Variants in EXD3 observed in about 807,000 individuals in gnomAD.
EXD3 encodes the protein exonuclease mut-7 homolog.
A neutral mutation model predicts 98.0 loss-of-function variants in EXD3; 92 were observed. The ratio of observed to expected loss-of-function variants is 0.94; its 90% CI spans 0.79 to 1.12. The LOEUF (loss-of-function observed/expected upper bound fraction) is 1.12, where lower values mean the gene tolerates loss of function less well. EXD3 is among the 50% of genes most tolerant of loss of function. EXD3 has a pLI of 0.00. For synonymous variants in EXD3, 569 were observed against 526.0 expected, an observed-to-expected ratio of 1.08 and a Z score of -1.12; for missense variants, 1,222 against 1,191.6, an observed-to-expected ratio of 1.03 and a Z score of -0.38.
At chr9:137,400,973 C>CA (rs918689358) in intron 1 of EXD3, among the ~76,000 whole-genome samples, 1 of 152,094 alleles carries the variant, frequency 6.6e-6, no homozygotes, top group African/African-American at 2.4e-5. Flanking sequence ...CTGCATGGTA[C>CA]AGCCTCCCTC....
chr9:137,395,342 G>T lies in EXD3; in HGVS notation c.16C>A (p.Pro6Thr), dbSNP rs374722485. 1.2e-5 allele frequency: 19 copies of T among 1,613,220 alleles called. No individual in the cohort carries two copies. The highest frequency in any genetic ancestry group is 1.6e-5 in the Non-Finnish European group (19 of 1,179,810). Residue 6 changes from proline to threonine, a missense_variant, in exon 2 of 22, where the codon CCC (proline) becomes ACC (threonine). Coordinates refer to ENST00000340951, the MANE Select transcript of EXD3 (RefSeq NM_017820.5). The surrounding 1 kb of genome is among the most constrained non-coding windows in gnomAD (Gnocchi z 6.5). ...TCGCCAGCGGCAGGGTCACCAGCGG[G>T]ATCTCCTGGGTCCATCCTCAGGGCC... MDPGDPAGDPAAGERH... is the reference protein window; with the variant it reads MDPGDTAGDPAAGERH...
At chr9:137,334,572 C>T (rs1411347600) in intron 17 of EXD3, among the ~76,000 whole-genome samples, 2 of 152,086 alleles carry the variant, frequency 1.3e-5, no homozygotes, top group East Asian at 3.8e-4. Flanking sequence ...TCACCATATA[C>T]AAAACCCAGC....
intron 17 of EXD3, among the ~76,000 whole-genome samples, chr9:137,338,072 C>T (rs992164484): frequency 6.6e-6 from 1 of 152,200 alleles, no homozygotes; most frequent in Non-Finnish European, 1.5e-5. Flanking sequence ...CAGGCGTGAG[C>T]CACTGTGCCC....
chr9:137,326,951 A>G (rs964208439), intron 17 of EXD3, among the ~76,000 whole-genome samples: 5 of 152,068 alleles, frequency 3.3e-5, no homozygotes, highest in African/African-American at 7.2e-5. Flanking sequence ...GTTCCGACAC[A>G]GGCTACGTCG....
At chr9:137,416,254 G>A (rs1423509703) in intron 1 of EXD3, among the ~76,000 whole-genome samples, 22 of 152,182 alleles carry the variant, frequency 1.4e-4, no homozygotes, top group Admixed American at 1.4e-3. Context: ...CAGGGGGAGG[G>A]CACTGCACGT....
intron 17 of EXD3, among the ~76,000 whole-genome samples, chr9:137,332,092 C>T (rs888573099): frequency 7.2e-5 from 11 of 152,132 alleles, no homozygotes; most frequent in South Asian, 2.1e-4. Context: ...TCATGAATGA[C>T]GCAAACAAAT....
chr9:137,332,411 A>G (rs1278166242), intron 17 of EXD3, among the ~76,000 whole-genome samples: 2 of 151,538 alleles, frequency 1.3e-5, no homozygotes, highest in African/African-American at 2.4e-5. Flanking sequence ...GACATGGTGA[A>G]ACCCCATCTC....
intron 3 of EXD3, chr9:137,374,730 A>G: frequency 2.0e-6 from 2 of 985,500 alleles, no homozygotes. Flanking sequence ...GTGGCCAGAC[A>G]GGGTGAAAGG....
At chr9:137,317,043 C>T (rs1364202716) in intron 19 of EXD3, among the ~76,000 whole-genome samples, 1 of 152,110 alleles carries the variant, frequency 6.6e-6, no homozygotes, top group Non-Finnish European at 1.5e-5. Flanking sequence ...CCTGCTCAGC[C>T]TGACAGGGCG....
chr9:137,355,056 T>C (rs1334543586), intron 8 of EXD3, among the ~76,000 whole-genome samples: 1 of 152,170 alleles, frequency 6.6e-6, no homozygotes, highest in Non-Finnish European at 1.5e-5. Flanking sequence ...GGGAGTTTCC[T>C]TCTTGGCGTT....
chr9:137,407,302 C>A lies in EXD3; in HGVS notation c.-47-11898G>T, dbSNP rs553159158. The stretch of plus-strand genomic sequence containing the variant: ...CAGGCAGAGCCCAGCCCGGCGGCCG[C>A]GGCGAACACGGGGCGGCCCCTCCAC... On this transcript the variant is annotated intron_variant, in intron 1 of 21. Coordinates refer to ENST00000340951, the MANE Select transcript of EXD3 (RefSeq NM_017820.5). This position sits in a 1 kb window ranked among gnomAD's most constrained non-coding sequence, Gnocchi z 4.4. 2.6e-5 allele frequency among the ~76,000 whole-genome samples: 4 copies of A among 152,292 alleles called. No individual in the cohort carries two copies. The South Asian group carries it at 8.3e-4, about 32-fold the overall frequency.
At position 137,393,263 on chromosome 9, in the gene EXD3, G is replaced by C. The variant is rs1418419784; in HGVS notation, c.55+2040C>G. ...GTGCAGGGAGAGTCAGCTCTGTGCT[G>C]AGGCGAACCCAGGGTCCCATGCGCT... is the stretch of plus-strand genomic sequence containing the variant. On this transcript the variant is annotated intron_variant, in intron 2 of 21. Transcript: ENST00000340951. The surrounding 1 kb of genome is among the most constrained non-coding windows in gnomAD (Gnocchi z 4.6). The C allele has an allele frequency of 7.1e-6, 5 of 702,100 alleles. No individual in the cohort carries two copies. The highest frequency in any genetic ancestry group is 6.0e-5 in the Admixed American group (3 of 49,976). 43.5% of individuals were successfully genotyped at this position (702,100 alleles called of 1,614,324 possible).
chr9:137,320,378 G>A (rs1380599851), intron 19 of EXD3, among the ~76,000 whole-genome samples: 1 of 152,218 alleles, frequency 6.6e-6, no homozygotes, highest in Non-Finnish European at 1.5e-5. Context: ...CTTGGTCCTG[G>A]ACAGCTGGCG....
At chr9:137,350,403 T>C (rs1462754947) in intron 14 of EXD3, among the ~76,000 whole-genome samples, 2 of 49,304 alleles carry the variant, frequency 4.1e-5, no homozygotes, top group Admixed American at 2.7e-4. Context: ...CGGGGAGGGG[T>C]TAGATAGAGA....
At chr9:137,422,590 C>T (rs1838585375) in intron 1 of EXD3, among the ~76,000 whole-genome samples, 3 of 152,294 alleles carry the variant, frequency 2.0e-5, no homozygotes, top group South Asian at 2.1e-4. Context: ...CCGCCCTCGA[C>T]CTCTGTGCCT....
At chr9:137,390,119 CAAAAAAAAA>C (rs34716316) in intron 2 of EXD3, among the ~76,000 whole-genome samples, 8 of 23,382 alleles carry the variant, frequency 3.4e-4, no homozygotes, top group African/African-American at 3.7e-4. Flanking sequence ...GAGACTCTGT[CAAAAAAAAA>C]AAAAAAAAAA....
intron 10 of EXD3, chr9:137,353,266 A>G: frequency 2.0e-6 from 2 of 984,272 alleles, no homozygotes; most frequent in Non-Finnish European, 1.2e-6. Flanking sequence ...CTGGCCTCCA[A>G]GCCTCCACTG....
At chr9:137,354,999 G>T (rs148894229) in intron 8 of EXD3, among the ~76,000 whole-genome samples, 1 of 152,160 alleles carries the variant, frequency 6.6e-6, no homozygotes, top group African/African-American at 2.4e-5. Context: ...CTTGTGTGGC[G>T]GGCCCTTTCG....
At chr9:137,320,672 C>A (rs1467187043) in intron 19 of EXD3, among the ~76,000 whole-genome samples, 1 of 152,198 alleles carries the variant, frequency 6.6e-6, no homozygotes, top group Non-Finnish European at 1.5e-5. Flanking sequence ...AAAGTCTGCC[C>A]TTCTGCCTCA....
Sources: allele counts gnomAD v4.1 joint callset (sites outside exome capture counted in the v4.1 genomes callset), GRCh38; gene constraint gnomAD v4.1.1; non-coding constraint Gnocchi (gnomAD v3.1); transcripts MANE v1.5; gene names NCBI Gene and HGNC (gene_info 2026-07-23, HGNC 2026-07-21).